The following GMDS variants were observed in gnomAD, a reference collection of about 807,000 sequenced individuals.
GMDS encodes GDP-mannose 4,6 dehydratase.
Under a neutral mutation model 49.9 loss-of-function variants are expected in GMDS, and 20 were observed. The ratio of observed to expected loss-of-function variants is 0.40; its 90% CI spans 0.28 to 0.58. GMDS has a LOEUF of 0.58. GMDS is among the 20% of genes least tolerant of loss of function. The probability of loss-of-function intolerance (pLI) is 0.42; values close to 1 mark genes in which losing one functional copy is unlikely to be tolerated. For missense variants in GMDS, 362 were observed against 481.4 expected (o/e 0.75, Z 2.32); for synonymous variants, 177 against 178.6 (o/e 0.99, Z 0.07).
intron 4 of GMDS, among the ~76,000 whole-genome samples, chr6:2,034,412 G>A (rs1005175003): frequency 2.0e-5 from 3 of 152,140 alleles, no homozygotes; most frequent in Non-Finnish European, 4.4e-5. Flanking sequence ...GGAGAGAAAA[G>A]GAATGTTGGT....
At position 1,766,446 on chromosome 6, in the gene GMDS, A is replaced by G. The variant is rs1768357318; in HGVS notation, c.772-23860T>C. Among the ~76,000 whole-genome samples the G allele has an allele frequency of 6.6e-6, 1 of 152,212 alleles. No homozygotes were observed. Among genetic ancestry groups the G allele is most frequent in the South Asian group, 2.1e-4 (1 of 4,828 alleles). On this transcript the variant is annotated intron_variant, in intron 7 of 10. Coordinates refer to ENST00000380815, the MANE Select transcript of GMDS (RefSeq NM_001500.4). The surrounding 1 kb of genome is among the most constrained non-coding windows in gnomAD (Gnocchi z 4.5). ...ACCACGGAGAGAGAAAAGCATCTTG[A>G]GAATCCTAATGGGAACCAATGAAGA...
intron 9 of GMDS, among the ~76,000 whole-genome samples, chr6:1,655,323 G>A (rs990658467): frequency 1.3e-5 from 2 of 152,114 alleles, no homozygotes; most frequent in Non-Finnish European, 1.5e-5. Context: ...GGATGAATAC[G>A]TGGGTTCTGA....
At chr6:2,225,949 T>C (rs1780794503) in intron 1 of GMDS, among the ~76,000 whole-genome samples, 1 of 152,108 alleles carries the variant, frequency 6.6e-6, no homozygotes, top group African/African-American at 2.4e-5. Flanking sequence ...TTTCCTGCCA[T>C]TCTCACTTCC....
intron 4 of GMDS, among the ~76,000 whole-genome samples, chr6:2,114,321 T>A (rs1194480658): frequency 2.0e-5 from 3 of 152,132 alleles, no homozygotes; most frequent in African/African-American, 4.8e-5. Flanking sequence ...TCATGGCTGG[T>A]CAGGAAGGTC....
At chr6:1,643,189 C>T (rs1192643022) in intron 9 of GMDS, among the ~76,000 whole-genome samples, 1 of 152,188 alleles carries the variant, frequency 6.6e-6, no homozygotes, top group Non-Finnish European at 1.5e-5. Context: ...GCCGGAATCT[C>T]CAAGGGTGCC....
intron 1 of GMDS, chr6:2,176,104 C>T (rs2127558243): frequency 1.2e-6 from 1 of 811,212 alleles, no homozygotes; most frequent in East Asian, 2.8e-5. Flanking sequence ...ATTCTGGTGT[C>T]CAGCCCCCCT....
chr6:2,184,065 T>C (rs1778672163), intron 1 of GMDS, among the ~76,000 whole-genome samples: 1 of 152,192 alleles, frequency 6.6e-6, no homozygotes, highest in South Asian at 2.1e-4. Flanking sequence ...CTCATTTTAT[T>C]GTCATATTCA....
chr6:2,069,285 T>C (rs967807321), intron 4 of GMDS, among the ~76,000 whole-genome samples: 4 of 152,178 alleles, frequency 2.6e-5, no homozygotes, highest in African/African-American at 7.2e-5. Context: ...ATTAAAGACT[T>C]AAACGTTAGA....
rs545897295 is a variant in GMDS at position 1,806,309 on chromosome 6, C to T, written c.772-63723G>A. ...TAAAGGTTCTTATAAATTGAAAACT[C>T]GGTTTTGGATTAGAGAGGCAGATTC... On this transcript the variant is annotated intron_variant, in intron 7 of 10. Transcript: ENST00000380815. 1.1e-4 allele frequency among the ~76,000 whole-genome samples: 17 copies of T among 152,108 alleles called. No individual in the cohort carries two copies. The East Asian group carries it at 2.3e-3, about 21-fold the overall frequency.
At chr6:1,916,291 G>A (rs1405335598) in intron 7 of GMDS, among the ~76,000 whole-genome samples, 1 of 152,098 alleles carries the variant, frequency 6.6e-6, no homozygotes, top group Admixed American at 6.6e-5. Flanking sequence ...AGGAAAATGG[G>A]GCGTCTGCCA....
intron 9 of GMDS, among the ~76,000 whole-genome samples, chr6:1,681,602 C>G (rs1005644927): frequency 6.6e-6 from 1 of 152,178 alleles, no homozygotes; most frequent in Non-Finnish European, 1.5e-5. Flanking sequence ...TCCGCCAGCT[C>G]CCTGGCAGCC....
At chr6:1,735,506 G>A (rs1285542950) in intron 8 of GMDS, among the ~76,000 whole-genome samples, 1 of 152,216 alleles carries the variant, frequency 6.6e-6, no homozygotes, top group Non-Finnish European at 1.5e-5. Flanking sequence ...AAGACCTGAA[G>A]AATGAGTGGG....
At chr6:1,650,739 T>TG (rs1425145901) in intron 9 of GMDS, among the ~76,000 whole-genome samples, 2 of 106,526 alleles carry the variant, frequency 1.9e-5, no homozygotes, top group African/African-American at 7.0e-5. Flanking sequence ...CATGCCTGGC[T>TG]AATTTTTTTT....
chr6:2,170,638 A>T (rs1360111655), intron 1 of GMDS, among the ~76,000 whole-genome samples: 1 of 134,082 alleles, frequency 7.5e-6, no homozygotes, highest in Non-Finnish European at 1.6e-5. Flanking sequence ...AAAAAAAATA[A>T]AAAAAAAAAA....
intron 1 of GMDS, among the ~76,000 whole-genome samples, chr6:2,174,676 T>C (rs1287147882): frequency 6.6e-6 from 1 of 152,158 alleles, no homozygotes; most frequent in Non-Finnish European, 1.5e-5. Flanking sequence ...CAAGTGATTC[T>C]CCTGCCTCAG....
chr6:2,167,873 G>T (rs933332795), intron 1 of GMDS, among the ~76,000 whole-genome samples: 22 of 152,274 alleles, frequency 1.4e-4, no homozygotes, highest in Admixed American at 1.4e-3. Context: ...CATTCCTCTT[G>T]TACCTTCAAT....
chr6:2,187,305 C>T (rs1221606074), intron 1 of GMDS, among the ~76,000 whole-genome samples: 1 of 152,190 alleles, frequency 6.6e-6, no homozygotes, highest in African/African-American at 2.4e-5. Context: ...CCTACAAGAC[C>T]TGTGGGAAGT....
intron 7 of GMDS, among the ~76,000 whole-genome samples, chr6:1,819,796 T>TA (rs1005646483): frequency 1.4e-5 from 2 of 147,786 alleles, no homozygotes; most frequent in Admixed American, 6.8e-5. Context: ...TATATATATA[T>TA]ATCTACCTTG....
chr6:2,220,958 C>T (rs1780557615), intron 1 of GMDS, among the ~76,000 whole-genome samples: 2 of 152,264 alleles, frequency 1.3e-5, no homozygotes, highest in South Asian at 4.1e-4. Flanking sequence ...GGGAAGATCA[C>T]TTGAGATTAG....
Sources: gnomAD v4.1 joint callset for allele counts (sites outside exome capture counted in the v4.1 genomes callset) on GRCh38, gnomAD v4.1.1 for gene constraint, Gnocchi (gnomAD v3.1) non-coding constraint, MANE v1.5 for transcripts, NCBI Gene and HGNC (gene_info 2026-07-23, HGNC 2026-07-21) for gene names.